Variants in CORO2B observed in about 807,000 individuals in gnomAD.
CORO2B encodes coronin 2B.
In CORO2B, 26 loss-of-function variants were observed where a neutral mutation model predicts 58.8. That is an observed-to-expected ratio of 0.44 (90% CI 0.32 to 0.61). The LOEUF (loss-of-function observed/expected upper bound fraction) is 0.61, where lower values mean the gene tolerates loss of function less well. Among genes scored for constraint, CORO2B ranks in the 20% least tolerant of loss-of-function variants. The probability of loss-of-function intolerance (pLI) is 0.04; values close to 1 mark genes in which losing one functional copy is unlikely to be tolerated. For missense variants in CORO2B, 460 were observed against 645.1 expected (o/e 0.71, Z 3.11); for synonymous variants, 242 against 253.8 (o/e 0.95, Z 0.44).
chr15:68,557,007 G>A, the CORO2B span, among the ~76,000 whole-genome samples: 1 of 152,148 alleles, frequency 6.6e-6, no homozygotes, highest in Non-Finnish European at 1.5e-5. Context: ...CCTTTCACAG[G>A]CTTCCAGCTT....
intron 11 of CORO2B, among the ~76,000 whole-genome samples, chr15:68,722,861 A>T (rs1029940760): frequency 1.3e-5 from 2 of 152,166 alleles, no homozygotes; most frequent in African/African-American, 4.8e-5. Flanking sequence ...TGAGGTTAAG[A>T]GTTCAAGACC....
intron 1 of CORO2B, among the ~76,000 whole-genome samples, chr15:68,635,205 A>G (rs1900993633): frequency 6.6e-6 from 1 of 151,932 alleles, no homozygotes; most frequent in Non-Finnish European, 1.5e-5. Context: ...CACCCATTTG[A>G]TCCCCTGCCA....
intron 11 of CORO2B, among the ~76,000 whole-genome samples, chr15:68,724,107 CAGA>C (rs1410357953): frequency 6.6e-6 from 1 of 152,114 alleles, no homozygotes; most frequent in African/African-American, 2.4e-5. Context: ...GAGGCTGAAG[CAGA>C]AGAATACCTT....
intron 3 of CORO2B, 49 bp downstream of exon 3, chr15:68,695,305 G>C (rs1340607270): frequency 7.2e-7 from 1 of 1,381,784 alleles, no homozygotes; most frequent in Admixed American, 1.7e-5. Context: ...GCCCCTCCCT[G>C]CTTCCTTTGG....
intron 2 of CORO2B, among the ~76,000 whole-genome samples, chr15:68,669,088 A>AG (rs1902297013): frequency 2.7e-5 from 4 of 150,728 alleles, no homozygotes; most frequent in Admixed American, 6.6e-5. Context: ...AGAGAGAGAG[A>AG]AAGAAGGAAG....
Position 68,679,190 on chromosome 15 carries a change from A to G in CORO2B, c.217-15950A>G, listed in dbSNP as rs150961906. 2.9e-3 allele frequency among the ~76,000 whole-genome samples: 440 copies of G among 152,348 alleles called. 1 individual carries two copies. Among genetic ancestry groups the G allele is most frequent in the African/African-American group, 0.01 (423 of 41,578 alleles). On this transcript the variant is annotated intron_variant, in intron 2 of 11. Coordinates refer to ENST00000261861, the MANE Select transcript of CORO2B (RefSeq NM_006091.5). ...AAGTGACATCCAAGGGAATCATCCC[A>G]TCTTATTCATCTCTAGGTGGCCAGC...
chr15:68,691,690 C>T (rs962613233), intron 2 of CORO2B, among the ~76,000 whole-genome samples: 2 of 150,338 alleles, frequency 1.3e-5, no homozygotes, highest in Non-Finnish European at 3.0e-5. Context: ...AGCAATGGAG[C>T]TCATCAGTCT....
At chr15:68,708,302 G>C (rs958926938) in intron 3 of CORO2B, among the ~76,000 whole-genome samples, 2 of 151,148 alleles carry the variant, frequency 1.3e-5, no homozygotes, top group Non-Finnish European at 2.9e-5. Flanking sequence ...GGGCACCCCA[G>C]TTCCTAGCCT....
chr15:68,599,411 T>C (rs1899918548), intron 1 of CORO2B, among the ~76,000 whole-genome samples: 1 of 152,086 alleles, frequency 6.6e-6, no homozygotes, highest in Non-Finnish European at 1.5e-5. Context: ...CAATTACAGG[T>C]TTTTGAATGA....
At chr15:68,577,303 T>A (rs1899306772), upstream of CORO2B, among the ~76,000 whole-genome samples, 1 of 152,246 alleles carries the variant, frequency 6.6e-6, no homozygotes, top group Non-Finnish European at 1.5e-5. Context: ...ATTCAAGTCC[T>A]CGCTCTGTCA....
At chr15:68,581,506 C>A (rs1899424363) in intron 1 of CORO2B, among the ~76,000 whole-genome samples, 1 of 152,152 alleles carries the variant, frequency 6.6e-6, no homozygotes, top group South Asian at 2.1e-4. Flanking sequence ...GGCCCCTAGT[C>A]CTAAATTAGC....
chr15:68,582,542 G>T (rs959503905), intron 1 of CORO2B, among the ~76,000 whole-genome samples: 2 of 152,148 alleles, frequency 1.3e-5, no homozygotes, highest in Admixed American at 6.5e-5. Flanking sequence ...TTCTTGTTCT[G>T]TTCCATCTCA....
Position 68,710,663 on chromosome 15 carries a change from A to G in CORO2B, c.334-69A>G, listed in dbSNP as rs920376643. 1.4e-6 allele frequency: 2 copies of G among 1,423,536 alleles called. No homozygotes were observed. Among genetic ancestry groups the G allele is most frequent in the African/African-American group, 2.9e-5 (2 of 70,038 alleles). The allele number at this position is 1,423,536 out of a possible 1,614,324, so 88.2% of individuals were successfully genotyped here. On this transcript the variant is annotated intron_variant, in intron 3 of 11. Transcript: ENST00000261861. This position sits in a 1 kb window ranked among gnomAD's most constrained non-coding sequence, Gnocchi z 4.1. ...CTCAGAAAGCCTGGTGTCCGAGGAA[A>G]GGGGCACCTCTCATCAAGGGACTTC... is the stretch of plus-strand genomic sequence containing the variant.
At chr15:68,589,042 T>C (rs1259328442) in intron 1 of CORO2B, among the ~76,000 whole-genome samples, 1 of 152,222 alleles carries the variant, frequency 6.6e-6, no homozygotes, top group Non-Finnish European at 1.5e-5. Context: ...TCTGCCTTCC[T>C]GCCTTACTCA....
At chr15:68,594,664 G>A (rs868412882) in intron 1 of CORO2B, among the ~76,000 whole-genome samples, 2 of 152,188 alleles carry the variant, frequency 1.3e-5, no homozygotes, top group South Asian at 2.1e-4. Flanking sequence ...GGCAGAAGCC[G>A]TGGGGAAAGA....
chr15:68,558,897 T>A, the CORO2B span, among the ~76,000 whole-genome samples: 1 of 152,208 alleles, frequency 6.6e-6, no homozygotes, highest in Non-Finnish European at 1.5e-5. Flanking sequence ...CAGGTCTTAG[T>A]ACACACCGCG....
Position 68,710,658 on chromosome 15 carries a change from A to C in CORO2B, c.334-74A>C, listed in dbSNP as rs1236252051. On this transcript the variant is annotated intron_variant, in intron 3 of 11. Coordinates refer to ENST00000261861, the MANE Select transcript of CORO2B (RefSeq NM_006091.5). The surrounding 1 kb of genome is among the most constrained non-coding windows in gnomAD (Gnocchi z 4.1). ...CAGATCTCAGAAAGCCTGGTGTCCGAGGAAAGGGGCACCTCTCATCAAGGG... is the reference window on the plus strand; with the variant it reads ...CAGATCTCAGAAAGCCTGGTGTCCGCGGAAAGGGGCACCTCTCATCAAGGG... 4.8e-5 allele frequency: 68 copies of C among 1,410,238 alleles called. No homozygotes were observed. The East Asian group carries it at 1.8e-3, about 37-fold the overall frequency. 87.4% of individuals were successfully genotyped at this position (1,410,238 alleles called of 1,614,324 possible). A position where few individuals can be genotyped will look rare whatever the true frequency, so the allele number is the denominator to read the frequency against.
the CORO2B span, among the ~76,000 whole-genome samples, chr15:68,521,082 A>G: frequency 3.0e-4 from 46 of 152,216 alleles, no homozygotes; most frequent in East Asian, 9.6e-4. Context: ...TAAATGAAGT[A>G]TTTAATTCAT....
the CORO2B span, among the ~76,000 whole-genome samples, chr15:68,565,322 A>C: frequency 6.6e-6 from 1 of 151,060 alleles, no homozygotes. Flanking sequence ...TATTTAAAAA[A>C]ATTTTTATTG....
Sources: allele counts gnomAD v4.1 joint callset (sites outside exome capture counted in the v4.1 genomes callset), GRCh38; gene constraint gnomAD v4.1.1; non-coding constraint Gnocchi (gnomAD v3.1); transcripts MANE v1.5; gene names NCBI Gene and HGNC (gene_info 2026-07-23, HGNC 2026-07-21).